Variants in EXOC6B observed in about 807,000 individuals in gnomAD.
EXOC6B encodes the protein SEC15 homolog B.
Under a neutral mutation model 113.5 loss-of-function variants are expected in EXOC6B, and 54 were observed. That is an observed-to-expected ratio of 0.48 (90% CI 0.38 to 0.60). The LOEUF (loss-of-function observed/expected upper bound fraction) is 0.60. EXOC6B is among the 20% of genes least tolerant of loss of function. EXOC6B has a pLI of 0.00. For missense variants in EXOC6B, 797 were observed against 977.5 expected, an observed-to-expected ratio of 0.82 and a Z score of 2.46; for synonymous variants, 357 against 339.0, an observed-to-expected ratio of 1.05 and a Z score of -0.58.
intron 6 of EXOC6B, among the ~76,000 whole-genome samples, chr2:72,670,858 C>CT (rs1675741639): frequency 1.3e-5 from 2 of 152,156 alleles, no homozygotes; most frequent in South Asian, 4.1e-4. Context: ...CTCTTCTCTA[C>CT]TGACACTTAT....
chr2:72,401,865 T>A (rs1315216544), intron 18 of EXOC6B, among the ~76,000 whole-genome samples: 1 of 149,002 alleles, frequency 6.7e-6, no homozygotes, highest in African/African-American at 2.5e-5. Context: ...TAAAAACAGC[T>A]AGAGAAAAAA....
intron 17 of EXOC6B, among the ~76,000 whole-genome samples, chr2:72,473,191 C>T (rs937368099): frequency 6.6e-6 from 1 of 152,052 alleles, no homozygotes; most frequent in Admixed American, 6.6e-5. Context: ...TCTGTTAAGT[C>T]CTTTCGGTCT....
intron 19 of EXOC6B, among the ~76,000 whole-genome samples, chr2:72,377,156 A>G (rs981332104): frequency 6.6e-6 from 1 of 152,296 alleles, no homozygotes; most frequent in East Asian, 1.9e-4. Context: ...TGACACATCA[A>G]TTCATACCTA....
At chr2:72,359,953 C>T (rs944638346) in intron 19 of EXOC6B, among the ~76,000 whole-genome samples, 2 of 152,076 alleles carry the variant, frequency 1.3e-5, no homozygotes, top group Non-Finnish European at 2.9e-5. Context: ...CATGCTGGCT[C>T]CCCCTTCTCT....
At chr2:72,383,032 T>A in intron 18 of EXOC6B, among the ~76,000 whole-genome samples, 1 of 152,170 alleles carries the variant, frequency 6.6e-6, no homozygotes, top group Non-Finnish European at 1.5e-5. Context: ...CCTAAATCTA[T>A]AAAAACTTTG....
At chr2:72,180,228 G>T in intron 21 of EXOC6B, among the ~76,000 whole-genome samples, 1 of 152,204 alleles carries the variant, frequency 6.6e-6, no homozygotes, top group Admixed American at 6.5e-5. Context: ...AAGCTTCATA[G>T]ATGGCATATT....
At chr2:72,408,096 G>A (rs1693908720) in intron 18 of EXOC6B, among the ~76,000 whole-genome samples, 1 of 152,120 alleles carries the variant, frequency 6.6e-6, no homozygotes, top group South Asian at 2.1e-4. Flanking sequence ...GCCAAATCAT[G>A]AGTGAACTCC....
intron 6 of EXOC6B, among the ~76,000 whole-genome samples, chr2:72,629,104 A>C (rs1281622072): frequency 6.6e-6 from 1 of 152,226 alleles, no homozygotes; most frequent in African/African-American, 2.4e-5. Context: ...TTAGTCCTTC[A>C]TATGCAGTAG....
intron 18 of EXOC6B, among the ~76,000 whole-genome samples, chr2:72,403,819 G>T (rs1457153650): frequency 6.6e-6 from 1 of 152,198 alleles, no homozygotes; most frequent in Non-Finnish European, 1.5e-5. Flanking sequence ...ATTTCCAACT[G>T]AGGTACCGGG....
chr2:72,660,597 C>T (rs1020284803), intron 6 of EXOC6B, among the ~76,000 whole-genome samples: 2 of 152,206 alleles, frequency 1.3e-5, no homozygotes, highest in South Asian at 2.1e-4. Context: ...TTGGTCTACA[C>T]ACAAGAGAGT....
chr2:72,421,574 G>T (rs1057490979), intron 18 of EXOC6B, among the ~76,000 whole-genome samples: 2 of 152,210 alleles, frequency 1.3e-5, no homozygotes, highest in Non-Finnish European at 2.9e-5. Flanking sequence ...ATGACACTGT[G>T]TAGTTTCAGA....
intron 15 of EXOC6B, among the ~76,000 whole-genome samples, chr2:72,493,447 T>C (rs1184790031): frequency 6.6e-6 from 1 of 151,098 alleles, no homozygotes; most frequent in Admixed American, 6.6e-5. Context: ...TGTATTCACA[T>C]GCAAGCAAGA....
intron 18 of EXOC6B, among the ~76,000 whole-genome samples, chr2:72,403,208 G>C (rs892178627): frequency 6.6e-6 from 1 of 152,120 alleles, no homozygotes; most frequent in Non-Finnish European, 1.5e-5. Context: ...ACAGTCTATT[G>C]TATGTCTGCA....
At chr2:72,578,315 C>G (rs1704999617) in intron 6 of EXOC6B, among the ~76,000 whole-genome samples, 1 of 152,072 alleles carries the variant, frequency 6.6e-6, no homozygotes, top group Non-Finnish European at 1.5e-5. Context: ...ACTTCATAAT[C>G]TAACACTTAG....
At chr2:72,780,747 T>G (rs1053913292) in intron 1 of EXOC6B, among the ~76,000 whole-genome samples, 1 of 152,154 alleles carries the variant, frequency 6.6e-6, no homozygotes, top group African/African-American at 2.4e-5. Context: ...GCTTGCTTTA[T>G]CTAAAAAAGA....
chr2:72,296,229 A>C (rs1428622047), intron 20 of EXOC6B, among the ~76,000 whole-genome samples: 1 of 152,176 alleles, frequency 6.6e-6, no homozygotes, highest in Non-Finnish European at 1.5e-5. Context: ...GTAAGTTTCT[A>C]ATGTGATATA....
intron 16 of EXOC6B, among the ~76,000 whole-genome samples, chr2:72,487,605 C>T (rs1035794076): frequency 1.3e-5 from 2 of 152,212 alleles, no homozygotes; most frequent in African/African-American, 4.8e-5. Flanking sequence ...GTGATTCACC[C>T]GCCTCAGCCT....
chr2:72,690,590 TTTCTAAGCAA>T (rs934733461), intron 6 of EXOC6B, among the ~76,000 whole-genome samples: 2 of 152,234 alleles, frequency 1.3e-5, no homozygotes, highest in Non-Finnish European at 2.9e-5. Flanking sequence ...TGCAGTAGTC[TTTCTAAGCAA>T]TTCTAAGCAA....
chr2:72,732,592 C>T (rs180767748), intron 3 of EXOC6B, among the ~76,000 whole-genome samples: 30 of 152,054 alleles, frequency 2.0e-4, no homozygotes, highest in Admixed American at 1.4e-3. Flanking sequence ...AGTTTAATTT[C>T]CAATGGAGAA....
Sources: allele counts gnomAD v4.1 joint callset (sites outside exome capture counted in the v4.1 genomes callset), GRCh38; gene constraint gnomAD v4.1.1; transcripts MANE v1.5; gene names NCBI Gene and HGNC (gene_info 2026-07-23, HGNC 2026-07-21).